The following OSBPL10 variants were observed in gnomAD, a reference collection of about 807,000 sequenced individuals.
OSBPL10 encodes oxysterol-binding protein-related protein 10.
Under a neutral mutation model 81.7 loss-of-function variants are expected in OSBPL10, and 49 were observed. The ratio of observed to expected loss-of-function variants is 0.60; its 90% CI spans 0.48 to 0.76. OSBPL10 has a LOEUF of 0.76. Among genes scored for constraint, OSBPL10 ranks in the 30% least tolerant of loss-of-function variants. OSBPL10 has a pLI of 0.00. For missense variants in OSBPL10, 923 were observed against 987.8 expected (o/e 0.93, Z 0.88); for synonymous variants, 419 against 383.6 (o/e 1.09, Z -1.08).
At chr3:31,701,384 T>C (rs1456008041) in intron 7 of OSBPL10, among the ~76,000 whole-genome samples, 2 of 152,184 alleles carry the variant, frequency 1.3e-5, no homozygotes, top group African/African-American at 4.8e-5. Context: ...CCGCAGATCA[T>C]GTCTGTCTGT....
At chr3:31,883,685 C>A (rs1394075666) in intron 1 of OSBPL10, among the ~76,000 whole-genome samples, 1 of 152,094 alleles carries the variant, frequency 6.6e-6, no homozygotes, top group East Asian at 1.9e-4. Context: ...GCGCTTGCCA[C>A]TATGCCCAGC....
intron 7 of OSBPL10, among the ~76,000 whole-genome samples, chr3:31,691,724 A>G (rs1305024739): frequency 6.6e-6 from 1 of 152,008 alleles, no homozygotes; most frequent in Non-Finnish European, 1.5e-5. Flanking sequence ...TCTTTAAAGA[A>G]AGAGAAAAGA....
intron 5 of OSBPL10, among the ~76,000 whole-genome samples, chr3:31,736,471 A>G (rs1270274814): frequency 6.6e-6 from 1 of 152,210 alleles, no homozygotes; most frequent in Admixed American, 6.5e-5. Flanking sequence ...CTGAACTAAG[A>G]AAACCAGCCC....
chr3:31,910,965 G>T (rs1057269204), intron 1 of OSBPL10, among the ~76,000 whole-genome samples: 1 of 152,134 alleles, frequency 6.6e-6, no homozygotes, highest in Non-Finnish European at 1.5e-5. Flanking sequence ...AAAGAACATT[G>T]TCTTCTGCCA....
intron 6 of OSBPL10, chr3:31,711,015 C>G (rs1696235345): frequency 1.3e-5 from 2 of 152,174 alleles, no homozygotes; most frequent in Non-Finnish European, 2.9e-5. Context: ...GGCTGGTGTT[C>G]TGGTTGAGAA....
chr3:32,026,133 TAG>T (rs1447326307), intron 2 of OSBPL10, among the ~76,000 whole-genome samples: 18 of 151,180 alleles, frequency 1.2e-4, no homozygotes, highest in Non-Finnish European at 2.5e-4. Context: ...GAGATAGAGA[TAG>T]AGATATATAG....
intron 1 of OSBPL10, among the ~76,000 whole-genome samples, chr3:31,953,863 G>C (rs1697937582): frequency 6.6e-6 from 1 of 152,208 alleles, no homozygotes; most frequent in Admixed American, 6.5e-5. Context: ...GAGAGACAGA[G>C]ACAGAGAAAT....
intron 4 of OSBPL10, among the ~76,000 whole-genome samples, chr3:31,763,694 C>T (rs1273883979): frequency 6.6e-6 from 1 of 152,164 alleles, no homozygotes; most frequent in Non-Finnish European, 1.5e-5. Context: ...AACATGACTA[C>T]ATACTTCTCT....
At chr3:32,023,044 G>A (rs560195527) in intron 2 of OSBPL10, among the ~76,000 whole-genome samples, 1 of 152,184 alleles carries the variant, frequency 6.6e-6, no homozygotes, top group African/African-American at 2.4e-5. Flanking sequence ...AGTTTCTATA[G>A]GGAATCAAAC....
chr3:31,684,166 G>A, intron 7 of OSBPL10, 52 bp from the exon 8 acceptor site: 1 of 1,586,392 alleles, frequency 6.3e-7, no homozygotes, highest in South Asian at 1.1e-5. Flanking sequence ...ACACGGAAAA[G>A]CTGAAAAGAA....
chr3:31,829,285 TGA>T (rs1700174695), intron 4 of OSBPL10, among the ~76,000 whole-genome samples: 1 of 152,190 alleles, frequency 6.6e-6, no homozygotes, highest in African/African-American at 2.4e-5. Flanking sequence ...ATCATTTATT[TGA>T]GAGTCTGTTC....
intron 3 of OSBPL10, among the ~76,000 whole-genome samples, chr3:31,831,128 C>T (rs562222561): frequency 1.3e-5 from 2 of 152,100 alleles, no homozygotes; most frequent in African/African-American, 2.4e-5. Flanking sequence ...AAAGCTTAGC[C>T]GGGTGCGGTG....
chr3:31,684,168 T>A, intron 7 of OSBPL10, 54 bp from the exon 8 acceptor site: 1 of 1,584,378 alleles, frequency 6.3e-7, no homozygotes, highest in Non-Finnish European at 8.6e-7. Context: ...ACGGAAAAGC[T>A]GAAAAGAAAG....
chr3:31,884,099 A>G (rs1353797098), intron 1 of OSBPL10, among the ~76,000 whole-genome samples: 1 of 152,372 alleles, frequency 6.6e-6, no homozygotes, highest in East Asian at 1.9e-4. Flanking sequence ...AGGAGCTGGT[A>G]TAAAGAAATG....
intron 2 of OSBPL10, among the ~76,000 whole-genome samples, chr3:32,026,143 T>C (rs1699411289): frequency 6.6e-6 from 1 of 151,968 alleles, no homozygotes; most frequent in Non-Finnish European, 1.5e-5. Flanking sequence ...TAGAGATATA[T>C]AGATTTTTTT....
At chr3:31,903,424 G>A (rs1366112547) in intron 1 of OSBPL10, among the ~76,000 whole-genome samples, 1 of 151,004 alleles carries the variant, frequency 6.6e-6, no homozygotes, top group Non-Finnish European at 1.5e-5. Context: ...GACCCCCTAG[G>A]CCCAAGCAAA....
chr3:31,821,802 T>C (rs1699987546), intron 4 of OSBPL10, among the ~76,000 whole-genome samples: 1 of 152,214 alleles, frequency 6.6e-6, no homozygotes, highest in Admixed American at 6.5e-5. Flanking sequence ...ATTGTCTGTA[T>C]TCAATTCTGC....
At chr3:31,809,794 A>G (rs555949316) in intron 4 of OSBPL10, among the ~76,000 whole-genome samples, 95 of 152,240 alleles carry the variant, frequency 6.2e-4, no homozygotes, top group African/African-American at 2.2e-3. Context: ...TCAGTGGAGA[A>G]AAGATGGACT....
intron 1 of OSBPL10, among the ~76,000 whole-genome samples, chr3:31,905,633 A>G (rs1270046764): frequency 6.6e-6 from 1 of 152,098 alleles, no homozygotes; most frequent in Admixed American, 6.6e-5. Flanking sequence ...TACAGGAGTG[A>G]GCCACTGTGC....
Sources: gnomAD v4.1 joint callset for allele counts (sites outside exome capture counted in the v4.1 genomes callset) on GRCh38, gnomAD v4.1.1 for gene constraint, MANE v1.5 for transcripts, NCBI Gene and HGNC (gene_info 2026-07-23, HGNC 2026-07-21) for gene names.